Variants in CSMD1 observed in about 807,000 individuals in gnomAD.
The protein encoded by CSMD1 is CUB and sushi domain-containing protein 1.
Under a neutral mutation model 417.5 loss-of-function variants are expected in CSMD1, and 213 were observed. That is an observed-to-expected ratio of 0.51 (90% CI 0.46 to 0.57). CSMD1 has a LOEUF of 0.57. Among genes scored for constraint, CSMD1 ranks in the 20% least tolerant of loss-of-function variants. The pLI, the probability that CSMD1 is intolerant of heterozygous loss-of-function variation, is 0.00. For synonymous variants in CSMD1, 2,862 were observed against 1,736.8 expected (o/e 1.65, Z -16.11); for missense variants, 6,923 against 4,529.7 (o/e 1.53, Z -15.17).
intron 7 of CSMD1, among the ~76,000 whole-genome samples, chr8:3,637,275 G>C (rs1306687321): frequency 1.3e-5 from 2 of 152,104 alleles, no homozygotes; most frequent in African/African-American, 4.8e-5. Context: ...TGTCTCACTT[G>C]CTAGTTGTGT....
intron 5 of CSMD1, among the ~76,000 whole-genome samples, chr8:3,913,924 C>T (rs2129140590): frequency 6.6e-6 from 1 of 151,870 alleles, no homozygotes; most frequent in East Asian, 1.9e-4. Context: ...CAGTTTTGGA[C>T]TCAAATAAAT....
chr8:4,027,448 T>A (rs2688359), intron 4 of CSMD1, among the ~76,000 whole-genome samples: 1 of 151,900 alleles, frequency 6.6e-6, no homozygotes, highest in Non-Finnish European at 1.5e-5. Flanking sequence ...GGGTCCTCCA[T>A]GCTGTTCTTG....
intron 26 of CSMD1, among the ~76,000 whole-genome samples, chr8:3,255,586 C>T (rs1413707071): frequency 6.6e-6 from 1 of 152,218 alleles, no homozygotes; most frequent in Non-Finnish European, 1.5e-5. Flanking sequence ...CCTCTCCCAG[C>T]CTTGCTGCAG....
At chr8:3,246,492 G>C (rs113182006) in intron 26 of CSMD1, among the ~76,000 whole-genome samples, 8 of 151,268 alleles carry the variant, frequency 5.3e-5, no homozygotes, top group Non-Finnish European at 1.2e-4. Context: ...TTTTTTTTGT[G>C]ACAGAGTCTC....
chr8:4,660,002 G>T (rs185015680), intron 1 of CSMD1, among the ~76,000 whole-genome samples: 17 of 150,994 alleles, frequency 1.1e-4, no homozygotes, highest in Admixed American at 9.9e-4. Context: ...TACTCAACTT[G>T]TAACTATAAT....
intron 1 of CSMD1, among the ~76,000 whole-genome samples, chr8:4,914,525 C>G (rs1391576133): frequency 6.7e-6 from 1 of 149,066 alleles, no homozygotes; most frequent in Non-Finnish European, 1.5e-5. Flanking sequence ...TTGCAGTGAG[C>G]TGAGATCGCG....
chr8:3,835,315 T>C (rs1302049642), intron 5 of CSMD1, among the ~76,000 whole-genome samples: 1 of 151,938 alleles, frequency 6.6e-6, no homozygotes, highest in African/African-American at 2.4e-5. Flanking sequence ...CTTGGAACCA[T>C]CCCAAATGTC....
intron 3 of CSMD1, among the ~76,000 whole-genome samples, chr8:4,249,204 G>A (rs1802898625): frequency 6.6e-6 from 1 of 152,166 alleles, no homozygotes; most frequent in Admixed American, 6.5e-5. Flanking sequence ...GTCACCAGGA[G>A]ATTAGGAGGA....
At chr8:3,057,062 T>C (rs964015346) in intron 49 of CSMD1, among the ~76,000 whole-genome samples, 1 of 152,086 alleles carries the variant, frequency 6.6e-6, no homozygotes, top group Non-Finnish European at 1.5e-5. Context: ...ATGGGTTTGC[T>C]TCAAGAGAAG....
chr8:3,226,052 T>A (rs918685410), intron 27 of CSMD1, among the ~76,000 whole-genome samples: 1 of 152,200 alleles, frequency 6.6e-6, no homozygotes, highest in Non-Finnish European at 1.5e-5. Flanking sequence ...AGCTGGTCTT[T>A]AACGAGACCC....
chr8:3,864,230 C>G (rs919629650), intron 5 of CSMD1, among the ~76,000 whole-genome samples: 3 of 152,152 alleles, frequency 2.0e-5, no homozygotes, highest in African/African-American at 7.2e-5. Context: ...CTCATACAAA[C>G]CCATAGACTG....
intron 10 of CSMD1, among the ~76,000 whole-genome samples, chr8:3,549,239 G>C (rs960269161): frequency 2.6e-5 from 4 of 152,220 alleles, no homozygotes; most frequent in East Asian, 3.8e-4. Context: ...TGTTCTGAAA[G>C]GGTTGTGGAG....
intron 5 of CSMD1, among the ~76,000 whole-genome samples, chr8:3,791,089 A>T (rs1799712798): frequency 6.6e-6 from 1 of 152,202 alleles, no homozygotes; most frequent in Admixed American, 6.5e-5. Context: ...AATTTCATAA[A>T]ATCAGTGTGA....
At chr8:3,669,299 T>G (rs1798862770) in intron 7 of CSMD1, among the ~76,000 whole-genome samples, 1 of 152,208 alleles carries the variant, frequency 6.6e-6, no homozygotes, top group South Asian at 2.1e-4. Context: ...TTTGTCATTG[T>G]GTTGCCTGTT....
chr8:4,538,724 A>T (rs1445737795), intron 2 of CSMD1, among the ~76,000 whole-genome samples: 1 of 152,338 alleles, frequency 6.6e-6, no homozygotes, highest in East Asian at 1.9e-4. Flanking sequence ...ACATCCTAGC[A>T]AGTAAACCTC....
At chr8:4,142,262 C>A (rs35155583) in intron 3 of CSMD1, among the ~76,000 whole-genome samples, 45,257 of 150,730 alleles carry the variant, frequency 0.3, 8,438 homozygotes, top group Non-Finnish European at 0.39. Context: ...CAGGGTTTTC[C>A]TTCTACTCTT....
At chr8:3,088,972 A>G (rs1298539994) in intron 48 of CSMD1, among the ~76,000 whole-genome samples, 1 of 152,170 alleles carries the variant, frequency 6.6e-6, no homozygotes, top group Non-Finnish European at 1.5e-5. Flanking sequence ...AACTCTACAG[A>G]TTCCAATAAG....
chr8:3,599,347 A>G (rs889599018), intron 8 of CSMD1, among the ~76,000 whole-genome samples: 2 of 152,172 alleles, frequency 1.3e-5, no homozygotes, highest in Non-Finnish European at 2.9e-5. Flanking sequence ...CTCAGGATGC[A>G]ACACGGCATT....
intron 49 of CSMD1, among the ~76,000 whole-genome samples, chr8:3,066,402 T>A (rs528517384): frequency 6.6e-6 from 1 of 152,330 alleles, no homozygotes; most frequent in South Asian, 2.1e-4. Context: ...AGAACTCAAA[T>A]GAGAACTCCC....
Sources: gnomAD v4.1 joint callset for allele counts (sites outside exome capture counted in the v4.1 genomes callset) on GRCh38, gnomAD v4.1.1 for gene constraint, MANE v1.5 for transcripts, NCBI Gene and HGNC (gene_info 2026-07-23, HGNC 2026-07-21) for gene names.